The following ABTB3 variants were observed in gnomAD, a reference collection of about 807,000 sequenced individuals.
ABTB3 encodes ankyrin repeat- and BTB/POZ domain-containing protein 3.
the ABTB3 span, among the ~76,000 whole-genome samples, chr12:107,412,298 G>A: frequency 2.0e-5 from 3 of 152,178 alleles, no homozygotes; most frequent in South Asian, 6.2e-4. Context: ...GCAAGTTCAA[G>A]TAGCTTGCCC....
chr12:107,483,460 C>T, the ABTB3 span, among the ~76,000 whole-genome samples: 1 of 152,192 alleles, frequency 6.6e-6, no homozygotes, highest in Non-Finnish European at 1.5e-5. Context: ...TACTTAGACC[C>T]TCTGACATTG....
At chr12:107,565,657 G>A in the ABTB3 span, among the ~76,000 whole-genome samples, 1 of 152,114 alleles carries the variant, frequency 6.6e-6, no homozygotes, top group Non-Finnish European at 1.5e-5. Context: ...ATCTGCTTTG[G>A]TTCTTCCTTG....
At chr12:107,512,919 AC>A in the ABTB3 span, among the ~76,000 whole-genome samples, 1 of 152,148 alleles carries the variant, frequency 6.6e-6, no homozygotes, top group Non-Finnish European at 1.5e-5. Context: ...AGATAGGAAA[AC>A]CAAGGCACAG....
the ABTB3 span, among the ~76,000 whole-genome samples, chr12:107,376,034 C>T: frequency 6.6e-5 from 10 of 152,164 alleles, no homozygotes; most frequent in Non-Finnish European, 1.5e-4. Context: ...CAGCAACTCT[C>T]AGCTTCAGCT....
At chr12:107,383,283 C>T in the ABTB3 span, among the ~76,000 whole-genome samples, 1 of 152,214 alleles carries the variant, frequency 6.6e-6, no homozygotes, top group Non-Finnish European at 1.5e-5. Flanking sequence ...CACTCAGTGC[C>T]TTCCACCCAC....
the ABTB3 span, among the ~76,000 whole-genome samples, chr12:107,594,327 G>A: frequency 6.6e-6 from 1 of 152,018 alleles, no homozygotes; most frequent in African/African-American, 2.4e-5. Context: ...TCTATCTTTT[G>A]GTATCTCTCC....
At chr12:107,554,569 T>G in the ABTB3 span, among the ~76,000 whole-genome samples, 1 of 152,248 alleles carries the variant, frequency 6.6e-6, no homozygotes, top group Admixed American at 6.5e-5. Context: ...ATTAGCCTTT[T>G]TATAGATAAT....
chr12:107,521,705 C>T, the ABTB3 span, among the ~76,000 whole-genome samples: 2 of 144,782 alleles, frequency 1.4e-5, no homozygotes, highest in African/African-American at 5.1e-5. Context: ...CAGACATCCT[C>T]CTCCACCCCA....
the ABTB3 span, chr12:107,620,085 C>A: frequency 6.2e-7 from 1 of 1,614,046 alleles, no homozygotes; most frequent in African/African-American, 1.3e-5. Flanking sequence ...GAGTTTAAGA[C>A]CATTCAGGAG....
At chr12:107,372,491 T>C in the ABTB3 span, among the ~76,000 whole-genome samples, 2 of 152,092 alleles carry the variant, frequency 1.3e-5, no homozygotes, top group African/African-American at 4.8e-5. Context: ...CACTGAGAGG[T>C]TGGATAGAGC....
the ABTB3 span, among the ~76,000 whole-genome samples, chr12:107,510,328 C>T: frequency 1.3e-5 from 2 of 151,940 alleles, no homozygotes; most frequent in Admixed American, 6.6e-5. Context: ...CAAGGCAGTG[C>T]CCAAGCCTGT....
the ABTB3 span, among the ~76,000 whole-genome samples, chr12:107,483,616 A>G: frequency 0.012 from 1,752 of 152,262 alleles, 43 homozygotes; most frequent in African/African-American, 0.039. Flanking sequence ...GGTTGATCTG[A>G]TTCCCAAATG....
At chr12:107,368,028 T>G in the ABTB3 span, among the ~76,000 whole-genome samples, 2 of 152,330 alleles carry the variant, frequency 1.3e-5, no homozygotes, top group African/African-American at 4.8e-5. Flanking sequence ...TCTATCCATG[T>G]TGGTTGTACA....
chr12:107,567,604 C>T, the ABTB3 span, among the ~76,000 whole-genome samples: 2 of 152,178 alleles, frequency 1.3e-5, no homozygotes, highest in African/African-American at 2.4e-5. Context: ...CCCCAATCCC[C>T]GGCCCGCAGA....
the ABTB3 span, among the ~76,000 whole-genome samples, chr12:107,402,203 A>G: frequency 1.3e-5 from 2 of 152,210 alleles, no homozygotes; most frequent in East Asian, 3.8e-4. Flanking sequence ...ACTGAGGCTC[A>G]GAGAGGTTAA....
At chr12:107,320,197 A>C in the ABTB3 span, 1 of 1,310,144 alleles carries the variant, frequency 7.6e-7, no homozygotes, top group South Asian at 2.5e-5. Flanking sequence ...GCCGCTGAGG[A>C]GGCGGCCGGG....
At chr12:107,406,586 C>A in the ABTB3 span, among the ~76,000 whole-genome samples, 1 of 152,106 alleles carries the variant, frequency 6.6e-6, no homozygotes, top group Non-Finnish European at 1.5e-5. Context: ...CTCAACTAAC[C>A]CATAGCCAAT....
the ABTB3 span, among the ~76,000 whole-genome samples, chr12:107,643,597 G>T: frequency 1.3e-5 from 2 of 150,818 alleles, no homozygotes; most frequent in African/African-American, 4.9e-5. Context: ...AGAGCAAAGT[G>T]GTCATAGCCC....
the ABTB3 span, among the ~76,000 whole-genome samples, chr12:107,364,483 C>CTTTCACCATATTGGT: frequency 6.6e-6 from 1 of 151,916 alleles, no homozygotes; most frequent in Admixed American, 6.6e-5. Flanking sequence ...TAGACATGGG[C>CTTTCACCATATTGGT]TTTCACCATA....
Sources: allele counts gnomAD v4.1 joint callset (sites outside exome capture counted in the v4.1 genomes callset), GRCh38; gene constraint gnomAD v4.1.1; transcripts MANE v1.5; gene names NCBI Gene and HGNC (gene_info 2026-07-23, HGNC 2026-07-21).